Variants in SOX5 observed in about 807,000 individuals in gnomAD.
SOX5 encodes the protein SRY-box transcription factor 5, also known as transcription factor SOX-5.
In SOX5, 9 loss-of-function variants were observed where a neutral mutation model predicts 92.0. That is an observed-to-expected ratio of 0.10 (90% CI 0.06 to 0.17). The LOEUF (loss-of-function observed/expected upper bound fraction) is 0.17. SOX5 is among the 10% of genes least tolerant of loss of function. SOX5 has a pLI of 1.00. For missense variants in SOX5, 642 were observed against 944.5 expected, an observed-to-expected ratio of 0.68 and a Z score of 4.20; for synonymous variants, 344 against 336.3, an observed-to-expected ratio of 1.02 and a Z score of -0.25.
chr12:23,586,993 G>A (rs1325277820), intron 9 of SOX5, among the ~76,000 whole-genome samples: 1 of 151,272 alleles, frequency 6.6e-6, no homozygotes, highest in Non-Finnish European at 1.5e-5. Flanking sequence ...ATTTTATAAT[G>A]TAATTTTGTC....
intron 8 of SOX5, among the ~76,000 whole-genome samples, chr12:23,629,541 AC>A (rs1468132706): frequency 3.3e-5 from 5 of 152,054 alleles, no homozygotes; most frequent in African/African-American, 1.2e-4. Flanking sequence ...GAAATCTTTA[AC>A]TCAAACAATT....
intron 6 of SOX5, among the ~76,000 whole-genome samples, chr12:23,715,162 G>A (rs900207498): frequency 1.3e-5 from 2 of 152,024 alleles, no homozygotes; most frequent in Non-Finnish European, 2.9e-5. Context: ...AGCCGGGTGC[G>A]ATGGCGGGCG....
At chr12:24,144,929 A>G (rs964794148) in intron 4 of SOX5, among the ~76,000 whole-genome samples, 1 of 152,026 alleles carries the variant, frequency 6.6e-6, no homozygotes, top group African/African-American at 2.4e-5. Flanking sequence ...ATATCTCTAC[A>G]AAAAAACTAC....
At chr12:24,453,223 C>T (rs1207156567) in intron 1 of SOX5, among the ~76,000 whole-genome samples, 7 of 151,760 alleles carry the variant, frequency 4.6e-5, no homozygotes, top group Non-Finnish European at 1.0e-4. Context: ...CCATAAATGC[C>T]TGTTAGTTCA....
At chr12:24,366,138 C>T (rs1035266553) in intron 2 of SOX5, among the ~76,000 whole-genome samples, 3 of 152,060 alleles carry the variant, frequency 2.0e-5, no homozygotes, top group Non-Finnish European at 2.9e-5. Context: ...CTAGGAAATC[C>T]GAAGGCTTCT....
chr12:24,025,184 A>G (rs1954745667), intron 4 of SOX5, among the ~76,000 whole-genome samples: 1 of 152,002 alleles, frequency 6.6e-6, no homozygotes, highest in Non-Finnish European at 1.5e-5. Flanking sequence ...GTGGGATGAG[A>G]GCAAAGTTGA....
chr12:24,456,558 C>T (rs1002023702), intron 1 of SOX5, among the ~76,000 whole-genome samples: 1 of 152,136 alleles, frequency 6.6e-6, no homozygotes, highest in Admixed American at 6.5e-5. Context: ...TCTTATCTAG[C>T]CTTCACAGCA....
chr12:23,638,163 A>T (rs919572661), intron 8 of SOX5: 1 of 152,222 alleles, frequency 6.6e-6, no homozygotes. Flanking sequence ...CAAGAAAATA[A>T]CACACACACT....
chr12:23,999,360 T>G (rs1433079245), intron 4 of SOX5, among the ~76,000 whole-genome samples: 1 of 152,090 alleles, frequency 6.6e-6, no homozygotes, highest in East Asian at 1.9e-4. Context: ...AGTTACAAGA[T>G]AAATAAGTTC....
intron 11 of SOX5, among the ~76,000 whole-genome samples, chr12:23,556,867 G>C (rs892694267): frequency 1.3e-5 from 2 of 152,146 alleles, no homozygotes; most frequent in African/African-American, 2.4e-5. Context: ...TACATACACT[G>C]TGTCAGTTTC....
intron 3 of SOX5, among the ~76,000 whole-genome samples, chr12:24,214,689 T>A (rs562129706): frequency 6.6e-6 from 1 of 152,230 alleles, no homozygotes; most frequent in South Asian, 2.1e-4. Context: ...GTCAGTATTT[T>A]AATGACAATA....
intron 1 of SOX5, among the ~76,000 whole-genome samples, chr12:23,942,848 C>T (rs560312599): frequency 6.6e-6 from 1 of 152,016 alleles, no homozygotes; most frequent in Non-Finnish European, 1.5e-5. Context: ...TGGAGCTACA[C>T]ATACATTTTT....
intron 6 of SOX5, among the ~76,000 whole-genome samples, chr12:23,681,910 C>T (rs2086689127): frequency 6.6e-6 from 1 of 151,572 alleles, no homozygotes; most frequent in South Asian, 2.1e-4. Flanking sequence ...TTATATCCAT[C>T]CAGTAAAATA....
chr12:23,749,031 T>C (rs988397409), intron 4 of SOX5, among the ~76,000 whole-genome samples: 1 of 151,854 alleles, frequency 6.6e-6, no homozygotes, highest in Non-Finnish European at 1.5e-5. Flanking sequence ...AAATTTATAA[T>C]GGAAGCTTCT....
intron 4 of SOX5, among the ~76,000 whole-genome samples, chr12:24,084,879 T>C (rs898422165): frequency 6.6e-6 from 1 of 152,140 alleles, no homozygotes; most frequent in African/African-American, 2.4e-5. Flanking sequence ...TTTTTACTAA[T>C]TGATAAGCTT....
intron 4 of SOX5, among the ~76,000 whole-genome samples, chr12:24,035,899 T>G (rs1306310326): frequency 6.6e-6 from 1 of 152,024 alleles, no homozygotes; most frequent in Non-Finnish European, 1.5e-5. Context: ...GTCTGGGTGA[T>G]TATCCTTCCG....
intron 1 of SOX5, among the ~76,000 whole-genome samples, chr12:24,531,734 C>G (rs1377711718): frequency 3.3e-5 from 5 of 152,196 alleles, no homozygotes; most frequent in African/African-American, 4.8e-5. Flanking sequence ...TCTGCTACCC[C>G]CACCTTTCAT....
At chr12:23,698,995 T>C (rs2090259943) in intron 6 of SOX5, among the ~76,000 whole-genome samples, 1 of 152,202 alleles carries the variant, frequency 6.6e-6, no homozygotes, top group Admixed American at 6.5e-5. Context: ...TTGTTCCTGT[T>C]AGCTCTTTTC....
chr12:24,335,036 TTC>T (rs1391115676), intron 2 of SOX5, among the ~76,000 whole-genome samples: 2 of 152,180 alleles, frequency 1.3e-5, no homozygotes, highest in South Asian at 2.1e-4. Flanking sequence ...ATGAAAATAG[TTC>T]TTTCACCCTA....
Sources: allele counts gnomAD v4.1 joint callset (sites outside exome capture counted in the v4.1 genomes callset), GRCh38; gene constraint gnomAD v4.1.1; transcripts MANE v1.5; gene names NCBI Gene and HGNC (gene_info 2026-07-23, HGNC 2026-07-21).